The following GTF2F2 variants were observed in gnomAD, a reference collection of about 807,000 sequenced individuals.
GTF2F2 encodes the protein ATP-dependent helicase GTF2F2.
GTF2F2 carries 23 observed loss-of-function variants against 42.2 expected under a neutral mutation model. That is an observed-to-expected ratio of 0.55 (90% CI 0.39 to 0.77). The LOEUF (loss-of-function observed/expected upper bound fraction) is 0.77. Ranked by LOEUF, GTF2F2 falls within the 30% of genes least tolerant of loss-of-function variation. The pLI, the probability that GTF2F2 is intolerant of heterozygous loss-of-function variation, is 0.00. For synonymous variants in GTF2F2, 105 were observed against 100.8 expected (o/e 1.04, Z -0.25); for missense variants, 261 against 287.2 (o/e 0.91, Z 0.66).
intron 4 of GTF2F2, among the ~76,000 whole-genome samples, chr13:45,202,101 T>C (rs754285043): frequency 3.9e-5 from 6 of 152,210 alleles, no homozygotes; most frequent in African/African-American, 4.8e-5. Context: ...TCAAAACTCT[T>C]CTTGGCCTGG....
chr13:45,157,698 G>A (rs868391180), intron 4 of GTF2F2, among the ~76,000 whole-genome samples: 10 of 152,176 alleles, frequency 6.6e-5, no homozygotes, highest in Middle Eastern at 6.8e-3. Flanking sequence ...TCAGCCTCTC[G>A]AGTAGCTGGA....
In GTF2F2 at chr13:45,207,446, A is replaced by G. The variant is rs994909577; in HGVS notation, c.327A>G (p.Ile109Met). 15 of 1,608,418 alleles carry G rather than the reference A, an allele frequency of 9.3e-6. No homozygotes were observed. Among genetic ancestry groups the G allele is most frequent in the Admixed American group, 3.3e-5 (2 of 59,962 alleles). Residue 109 changes from isoleucine to methionine, a missense_variant, in exon 5 of 8, where the codon ATA becomes ATG. Ile to Met is a conservative substitution (Grantham distance 10). Coordinates refer to ENST00000340473, the MANE Select transcript of GTF2F2 (RefSeq NM_004128.3). ...SSSDKLSLEG[I>M]VVQRAECRPA... ...AAGATAAGCTGTCATTGGAAGGAATAGTGGTACAAAGAGCTGAATGCCGAC... is the reference window on the plus strand; with the variant it reads ...AAGATAAGCTGTCATTGGAAGGAATGGTGGTACAAAGAGCTGAATGCCGAC...
intron 1 of GTF2F2, among the ~76,000 whole-genome samples, chr13:45,126,943 C>G (rs1248075860): frequency 6.6e-6 from 1 of 152,158 alleles, no homozygotes; most frequent in Non-Finnish European, 1.5e-5. Flanking sequence ...TACCTTGTCT[C>G]CATCTGATTT....
At chr13:45,261,262 T>C (rs978256203) in intron 6 of GTF2F2, among the ~76,000 whole-genome samples, 59 of 149,988 alleles carry the variant, frequency 3.9e-4, no homozygotes, top group African/African-American at 5.4e-4. Context: ...CTTTCTTTAC[T>C]GAAAATACAA....
chr13:45,236,992 G>A (rs1004291945), intron 5 of GTF2F2, among the ~76,000 whole-genome samples: 2 of 152,082 alleles, frequency 1.3e-5, no homozygotes, highest in Non-Finnish European at 2.9e-5. Flanking sequence ...CCAATGAAAT[G>A]ATTTTTTTCT....
chr13:45,236,874 C>A (rs1248740172), intron 5 of GTF2F2, among the ~76,000 whole-genome samples: 3 of 152,084 alleles, frequency 2.0e-5, no homozygotes, highest in African/African-American at 7.2e-5. Context: ...ATTATATAAC[C>A]TTCTTGAGTC....
intron 4 of GTF2F2, among the ~76,000 whole-genome samples, chr13:45,197,973 G>T (rs1872984771): frequency 6.6e-6 from 1 of 152,172 alleles, no homozygotes; most frequent in Non-Finnish European, 1.5e-5. Flanking sequence ...GCCTTTGCAG[G>T]CAAAAACATA....
At position 45,127,938 on chromosome 13, in the gene GTF2F2, CTTTTTTTTTTTTTTTTTTT is replaced by C. The variant is rs1161627204; in HGVS notation, c.66+7230_66+7248del. On this transcript the variant is annotated intron_variant, in intron 1 of 7. Coordinates refer to ENST00000340473, the MANE Select transcript of GTF2F2 (RefSeq NM_004128.3). ...GAGCCACTGTGCCTGGCACCCCGGC[CTTTTTTTTTTTTTTTTTTT>C]TTTTTTTTTTTTCTTTTTTTTTGAG... 1.6e-4 allele frequency among the ~76,000 whole-genome samples: 8 copies of C among 48,600 alleles called. 1 individual carries two copies. The highest frequency in any genetic ancestry group is 0.059 in the Middle Eastern group (2 of 34). The allele number at this position is 48,600 out of a possible 152,430, so 31.9% of individuals were successfully genotyped here.
chr13:45,189,397 T>C (rs1872545086), intron 4 of GTF2F2, among the ~76,000 whole-genome samples: 2 of 152,240 alleles, frequency 1.3e-5, no homozygotes, highest in East Asian at 3.8e-4. Context: ...GCATGATTTA[T>C]AATCCTCTGG....
At chr13:45,213,733 G>A (rs576201189) in intron 5 of GTF2F2, among the ~76,000 whole-genome samples, 2 of 151,928 alleles carry the variant, frequency 1.3e-5, no homozygotes, top group African/African-American at 2.4e-5. Context: ...AATGGCAAAG[G>A]TAGGTACAGA....
intron 4 of GTF2F2, among the ~76,000 whole-genome samples, chr13:45,191,334 C>T (rs1472832218): frequency 6.8e-6 from 1 of 147,754 alleles, no homozygotes; most frequent in African/African-American, 2.5e-5. Context: ...ATATGTTTGG[C>T]TCATGGCAAC....
chr13:45,182,386 T>C (rs765975067), intron 4 of GTF2F2, among the ~76,000 whole-genome samples: 5 of 152,090 alleles, frequency 3.3e-5, no homozygotes, highest in East Asian at 3.9e-4. Flanking sequence ...TATGAATCAC[T>C]GCACCCGGCC....
intron 2 of GTF2F2, among the ~76,000 whole-genome samples, chr13:45,146,198 A>C (rs1294092010): frequency 6.6e-6 from 1 of 152,098 alleles, no homozygotes; most frequent in Non-Finnish European, 1.5e-5. Context: ...GGAAGTATGA[A>C]TAGGAATTAA....
chr13:45,191,255 A>ATATATATATAGC (rs1260872563), intron 4 of GTF2F2, among the ~76,000 whole-genome samples: 1 of 136,528 alleles, frequency 7.3e-6, no homozygotes. Flanking sequence ...ATATATATAT[A>ATATATATATAGC]GCCATAATCT....
At chr13:45,251,745 T>A (rs1875887135) in intron 5 of GTF2F2, among the ~76,000 whole-genome samples, 1 of 152,172 alleles carries the variant, frequency 6.6e-6, no homozygotes, top group African/African-American at 2.4e-5. Context: ...GATCTATAAA[T>A]AATAAACATA....
At chr13:45,129,177 A>G (rs527603296) in intron 1 of GTF2F2, among the ~76,000 whole-genome samples, 2 of 152,262 alleles carry the variant, frequency 1.3e-5, no homozygotes, top group Admixed American at 1.3e-4. Context: ...GTAGTAGGTT[A>G]GAAAATGTCC....
chr13:45,233,276 A>G lies in GTF2F2; in HGVS notation c.387-19595A>G, dbSNP rs573353754. 3.9e-5 allele frequency among the ~76,000 whole-genome samples: 6 copies of G among 152,316 alleles called. No homozygotes were observed. In the South Asian group the frequency reaches 1.2e-3, roughly 32 times the overall value. On this transcript the variant is annotated intron_variant, in intron 5 of 7. Coordinates refer to ENST00000340473, the MANE Select transcript of GTF2F2 (RefSeq NM_004128.3). ...CTGCAATATAAAAAAACAATTTAAA[A>G]TAAGAATGAATTAAATCCATAGAAG...
chr13:45,279,467 A>G (rs184025601), intron 7 of GTF2F2, among the ~76,000 whole-genome samples: 121 of 152,300 alleles, frequency 7.9e-4, no homozygotes, highest in African/African-American at 2.8e-3. Context: ...CTGAACTAGA[A>G]TTTGAATGGT....
intron 6 of GTF2F2, among the ~76,000 whole-genome samples, chr13:45,264,472 C>T (rs1566155720): frequency 1.3e-5 from 2 of 151,754 alleles, no homozygotes; most frequent in Admixed American, 1.3e-4. Context: ...TTAGCAGAGA[C>T]TTGGCCGTGC....
Sources: gnomAD v4.1 joint callset for allele counts (sites outside exome capture counted in the v4.1 genomes callset) on GRCh38, gnomAD v4.1.1 for gene constraint, MANE v1.5 for transcripts, NCBI Gene and HGNC (gene_info 2026-07-23, HGNC 2026-07-21) for gene names.